CD200R1: variants seen among roughly 807,000 people sequenced by gnomAD.
CD200R1 encodes CD200 receptor 1, also known as cell surface glycoprotein CD200 receptor 1.
A neutral mutation model predicts 38.1 loss-of-function variants in CD200R1; 30 were observed. That is an observed-to-expected ratio of 0.79 (90% CI 0.59 to 1.07). The LOEUF is 1.07. Among genes scored for constraint, CD200R1 ranks in the 50% least tolerant of loss-of-function variants. The pLI, the probability that CD200R1 is intolerant of heterozygous loss-of-function variation, is 0.00. For missense variants in CD200R1, 372 were observed against 415.4 expected, an observed-to-expected ratio of 0.90 and a Z score of 0.91; for synonymous variants, 128 against 152.1, an observed-to-expected ratio of 0.84 and a Z score of 1.16.
At chr3:112,951,161 T>C (rs373290473) in intron 1 of CD200R1, among the ~76,000 whole-genome samples, 1 of 152,058 alleles carries the variant, frequency 6.6e-6, no homozygotes, top group South Asian at 2.1e-4. Context: ...AAATCTCTAA[T>C]ATCAGGAAGG....
At chr3:112,946,090 T>C (rs1446993767) in intron 2 of CD200R1, among the ~76,000 whole-genome samples, 2 of 112,016 alleles carry the variant, frequency 1.8e-5, no homozygotes, top group African/African-American at 6.9e-5. Flanking sequence ...AAAAAAAAAA[T>C]ACAGTCATCC....
chr3:112,957,405 G>T (rs1319288080), intron 1 of CD200R1, among the ~76,000 whole-genome samples: 2 of 152,076 alleles, frequency 1.3e-5, no homozygotes, highest in African/African-American at 4.8e-5. Context: ...AGAACTACAA[G>T]TTATTCAACA....
chr3:112,930,251 C>T (rs1057447887), intron 3 of CD200R1, among the ~76,000 whole-genome samples: 6 of 151,884 alleles, frequency 4.0e-5, no homozygotes, highest in East Asian at 1.9e-4. Flanking sequence ...TTTTAAAAAA[C>T]GATTTATTTC....
chr3:112,966,976 C>G (rs2107346311), intron 1 of CD200R1, among the ~76,000 whole-genome samples: 1 of 152,264 alleles, frequency 6.6e-6, no homozygotes. Context: ...AGCTTTTGGC[C>G]TCTTTTCAGT....
chr3:112,946,054 G>GAAAAA (rs1553768550), intron 2 of CD200R1, among the ~76,000 whole-genome samples: 1 of 110,218 alleles, frequency 9.1e-6, no homozygotes, highest in Non-Finnish European at 2.0e-5. Flanking sequence ...AAAAAAAAAG[G>GAAAAA]AGAACGAAAA....
intron 1 of CD200R1, among the ~76,000 whole-genome samples, chr3:112,961,491 G>T (rs1448723936): frequency 2.0e-5 from 3 of 151,874 alleles, no homozygotes; most frequent in Non-Finnish European, 4.4e-5. Context: ...GACTAACATC[G>T]TTGTTTGCCA....
chr3:112,924,646 C>A (rs1940242537), intron 6 of CD200R1, 111 bp from the exon 7 acceptor site: 3 of 626,664 alleles, frequency 4.8e-6, no homozygotes, highest in Non-Finnish European at 6.7e-6. Flanking sequence ...TTGATAGAAG[C>A]CATAATAAAT....
chr3:112,951,751 T>G (rs1264394975), intron 1 of CD200R1, among the ~76,000 whole-genome samples: 10 of 149,856 alleles, frequency 6.7e-5, no homozygotes, highest in Admixed American at 6.6e-4. Flanking sequence ...CACAAACAAT[T>G]GGAAAATGAA....
Position 112,947,882 on chromosome 3 carries a change from T to C in CD200R1, c.110A>G (p.Gln37Arg). The C allele has an allele frequency of 6.2e-7, 1 of 1,613,176 alleles. No homozygotes were observed. The highest frequency in any genetic ancestry group is 8.5e-7 in the Non-Finnish European group (1 of 1,179,122). ...AAQPNNSLML[Q>R]TSKENHALAS... ...TAAAGCATGATTCTCCTTGCTAGTT[T>C]GCAGCATTAATGAGTTGTTTGGTTG... Residue 37 changes from glutamine to arginine, a missense_variant, in exon 2 of 8, where the codon CAA (glutamine) becomes CGA (arginine). By Grantham distance (43) the Gln-to-Arg change is conservative. Transcript: ENST00000308611.
At chr3:112,937,574 T>G (rs971780331) in intron 2 of CD200R1, among the ~76,000 whole-genome samples, 3 of 152,226 alleles carry the variant, frequency 2.0e-5, no homozygotes, top group Admixed American at 2.0e-4. Context: ...ACAACTACCA[T>G]GCTGTTTTGA....
intron 2 of CD200R1, among the ~76,000 whole-genome samples, chr3:112,946,950 TA>T (rs11393196): frequency 1.3e-5 from 2 of 150,468 alleles, no homozygotes; most frequent in Non-Finnish European, 3.0e-5. Flanking sequence ...TATTCAGTAC[TA>T]AAAAAAAAGA....
intron 2 of CD200R1, among the ~76,000 whole-genome samples, chr3:112,947,396 G>C (rs1159896241): frequency 1.3e-5 from 2 of 152,034 alleles, no homozygotes; most frequent in Admixed American, 1.3e-4. Context: ...GAGGTCATAG[G>C]GGAAATTTCT....
At chr3:112,966,182 T>C (rs1933156113) in intron 1 of CD200R1, among the ~76,000 whole-genome samples, 1 of 152,064 alleles carries the variant, frequency 6.6e-6, no homozygotes, top group Non-Finnish European at 1.5e-5. Context: ...GAAATGAGGA[T>C]AGTTGGGGTG....
chr3:112,957,185 T>C (rs1010064770), intron 1 of CD200R1, among the ~76,000 whole-genome samples: 2 of 152,220 alleles, frequency 1.3e-5, no homozygotes, highest in African/African-American at 4.8e-5. Flanking sequence ...CTCTTCAATA[T>C]ATCTTTTCTT....
chr3:112,926,469 G>T (rs16845099), intron 5 of CD200R1, among the ~76,000 whole-genome samples: 4,522 of 152,224 alleles, frequency 0.03, 212 homozygotes, highest in East Asian at 0.22. Flanking sequence ...CATTAAATTT[G>T]TACTAGCAGA....
At chr3:112,971,110 C>A (rs1486801786) in intron 1 of CD200R1, among the ~76,000 whole-genome samples, 1 of 152,016 alleles carries the variant, frequency 6.6e-6, no homozygotes, top group Non-Finnish European at 1.5e-5. Context: ...TAGTTCTAGA[C>A]CCCCAGAGAT....
chr3:112,969,246 A>T (rs1933240479), intron 1 of CD200R1, among the ~76,000 whole-genome samples: 1 of 152,174 alleles, frequency 6.6e-6, no homozygotes, highest in Admixed American at 6.5e-5. Context: ...AGTGAACTTG[A>T]ATATATAGCA....
chr3:112,924,589 G>A (rs953855105), intron 6 of CD200R1, 54 bp from the exon 7 acceptor site: 23 of 994,526 alleles, frequency 2.3e-5, no homozygotes, highest in African/African-American at 2.0e-4. Flanking sequence ...TGTTTAGATC[G>A]AAAATGGGAA....
intron 6 of CD200R1, among the ~76,000 whole-genome samples, 198 bp downstream of exon 6, chr3:112,924,887 A>G (rs1221490229): frequency 6.6e-6 from 1 of 152,096 alleles, no homozygotes; most frequent in Non-Finnish European, 1.5e-5. Flanking sequence ...CTAATTTTCC[A>G]TGCTTCTATG....
Sources: allele counts gnomAD v4.1 joint callset (sites outside exome capture counted in the v4.1 genomes callset), GRCh38; gene constraint gnomAD v4.1.1; transcripts MANE v1.5; gene names NCBI Gene and HGNC (gene_info 2026-07-23, HGNC 2026-07-21).